The following SCFD2 variants were observed in gnomAD, a reference collection of about 807,000 sequenced individuals.
The protein encoded by SCFD2 is sec1 family domain containing 2.
SCFD2 carries 54 observed loss-of-function variants against 58.9 expected under a neutral mutation model. The ratio of observed to expected loss-of-function variants is 0.92; its 90% confidence interval spans 0.74 to 1.15. SCFD2 has a LOEUF of 1.15. Ranked by LOEUF, SCFD2 falls within the 50% of genes most tolerant of loss-of-function variation. The pLI is 0.00. For missense variants in SCFD2, 805 were observed against 836.6 expected, an observed-to-expected ratio of 0.96 and a Z score of 0.47; for synonymous variants, 321 against 335.9, an observed-to-expected ratio of 0.96 and a Z score of 0.49.
chr4:53,238,008 T>C (rs1183192522), intron 4 of SCFD2, among the ~76,000 whole-genome samples: 27 of 83,650 alleles, frequency 3.2e-4, no homozygotes, highest in South Asian at 9.2e-4. Context: ...AGGGGGCTGA[T>C]CCCCCCACCT....
intron 5 of SCFD2, among the ~76,000 whole-genome samples, chr4:53,027,929 T>C (rs1296981651): frequency 6.6e-6 from 1 of 151,764 alleles, no homozygotes; most frequent in Non-Finnish European, 1.5e-5. Context: ...GGATAGACTA[T>C]GGTAGCAATA....
At chr4:53,152,000 C>A (rs1726522588) in intron 4 of SCFD2, among the ~76,000 whole-genome samples, 1 of 152,130 alleles carries the variant, frequency 6.6e-6, no homozygotes, top group Non-Finnish European at 1.5e-5. Context: ...GAAGAGGGCA[C>A]CAAGCTATTA....
At chr4:53,318,770 G>T (rs1732938562) in intron 2 of SCFD2, among the ~76,000 whole-genome samples, 1 of 150,136 alleles carries the variant, frequency 6.7e-6, no homozygotes. Context: ...GAAAATTTTT[G>T]AAAGGTGAAT....
chr4:53,254,643 C>T (rs1476658635), intron 4 of SCFD2, among the ~76,000 whole-genome samples: 3 of 151,454 alleles, frequency 2.0e-5, no homozygotes. Context: ...CTGGCCGACC[C>T]ATGTCATTTT....
intron 4 of SCFD2, among the ~76,000 whole-genome samples, chr4:53,155,210 G>T (rs961180531): frequency 6.6e-6 from 1 of 152,138 alleles, no homozygotes; most frequent in Non-Finnish European, 1.5e-5. Context: ...GCTGTGGTTT[G>T]AATGTTTGTC....
At chr4:53,043,448 G>A (rs1165166083) in intron 5 of SCFD2, among the ~76,000 whole-genome samples, 1 of 152,082 alleles carries the variant, frequency 6.6e-6, no homozygotes, top group Non-Finnish European at 1.5e-5. Flanking sequence ...TTAAATAATT[G>A]GTGACCATGT....
chr4:53,331,460 C>A (rs1733465708), intron 2 of SCFD2, among the ~76,000 whole-genome samples: 1 of 152,176 alleles, frequency 6.6e-6, no homozygotes. Flanking sequence ...AACCGCTCAA[C>A]TACATGGAAA....
chr4:53,283,883 C>A (rs759850894), intron 3 of SCFD2, among the ~76,000 whole-genome samples: 2 of 151,978 alleles, frequency 1.3e-5, no homozygotes, highest in Non-Finnish European at 2.9e-5. Flanking sequence ...CTTGGGAGGC[C>A]GAGGTGGGCG....
intron 5 of SCFD2, among the ~76,000 whole-genome samples, chr4:52,970,724 G>C (rs189904839): frequency 1.2e-4 from 19 of 152,326 alleles, no homozygotes; most frequent in Admixed American, 5.2e-4. Flanking sequence ...GCCTCCTTAA[G>C]TGGGTCCCTG....
At chr4:53,073,483 A>G (rs542319985) in intron 5 of SCFD2, among the ~76,000 whole-genome samples, 2 of 152,300 alleles carry the variant, frequency 1.3e-5, no homozygotes, top group African/African-American at 4.8e-5. Flanking sequence ...CCCCAGCAGT[A>G]AATACCACCT....
In SCFD2 at chr4:53,214,739, T is replaced by G. The variant is rs191743384; in HGVS notation, c.1311+59087A>C. 2.6e-5 allele frequency among the ~76,000 whole-genome samples: 4 copies of G among 152,226 alleles called. No homozygotes were observed. In the East Asian group the frequency reaches 7.7e-4, roughly 29 times the overall value. The stretch of plus-strand genomic sequence containing the variant: ...TGAAGTCCTTGCCCATGCCTATGCC[T>G]TGAATGGTATTGCCTAGGTTTTCTT... On this transcript the variant is annotated intron_variant, in intron 4 of 8. Transcript: ENST00000401642.
intron 5 of SCFD2, among the ~76,000 whole-genome samples, chr4:53,098,732 ATG>A (rs1166368413): frequency 1.3e-5 from 2 of 151,944 alleles, no homozygotes. Context: ...TCCTACATGC[ATG>A]TGTGTGTGCA....
chr4:53,162,873 AAAAT>A (rs1413146811), intron 4 of SCFD2, among the ~76,000 whole-genome samples: 22 of 151,692 alleles, frequency 1.5e-4, no homozygotes, highest in Non-Finnish European at 2.7e-4. Flanking sequence ...AATAAAATAA[AAAAT>A]AAATAAATAA....
intron 5 of SCFD2, among the ~76,000 whole-genome samples, chr4:52,993,455 T>C (rs1175935907): frequency 1.3e-5 from 2 of 152,262 alleles, no homozygotes; most frequent in African/African-American, 4.8e-5. Context: ...ATTTTATTTA[T>C]GTGCGGCAAC....
At chr4:52,886,630 G>A (rs2109448411) in intron 7 of SCFD2, among the ~76,000 whole-genome samples, 1 of 152,324 alleles carries the variant, frequency 6.6e-6, no homozygotes, top group African/African-American at 2.4e-5. Context: ...GCTGGCTGTG[G>A]AGGACCCTGG....
intron 3 of SCFD2, among the ~76,000 whole-genome samples, chr4:53,311,725 T>G (rs1220517796): frequency 2.0e-5 from 3 of 152,082 alleles, no homozygotes; most frequent in East Asian, 3.9e-4. Flanking sequence ...AACCTCTGCC[T>G]TCTGGGTTCA....
chr4:53,248,714 G>C (rs1577894133), intron 4 of SCFD2, among the ~76,000 whole-genome samples: 1 of 152,252 alleles, frequency 6.6e-6, no homozygotes, highest in East Asian at 1.9e-4. Flanking sequence ...TAGACCTCTA[G>C]CAAACTCCAA....
At chr4:53,220,695 C>T (rs1195007764) in intron 4 of SCFD2, among the ~76,000 whole-genome samples, 3 of 152,148 alleles carry the variant, frequency 2.0e-5, no homozygotes, top group Non-Finnish European at 2.9e-5. Context: ...GTAACAATAT[C>T]CTTGAAGATT....
intron 7 of SCFD2, among the ~76,000 whole-genome samples, chr4:52,901,157 C>T (rs974342902): frequency 1.6e-4 from 24 of 152,222 alleles, no homozygotes; most frequent in African/African-American, 4.3e-4. Flanking sequence ...GTCCTGCACC[C>T]GCTGTCCGGC....
Sources: gnomAD v4.1 joint callset for allele counts (sites outside exome capture counted in the v4.1 genomes callset) on GRCh38, gnomAD v4.1.1 for gene constraint, MANE v1.5 for transcripts, NCBI Gene and HGNC (gene_info 2026-07-23, HGNC 2026-07-21) for gene names.